The following RASGRP3 variants were observed in gnomAD, a reference collection of about 807,000 sequenced individuals.
The protein encoded by RASGRP3 is ras guanyl-releasing protein 3.
A neutral mutation model predicts 82.7 loss-of-function variants in RASGRP3; 54 were observed. The observed-to-expected ratio is 0.65, with a 90% CI of 0.52 to 0.82. RASGRP3 has a LOEUF of 0.82. RASGRP3 is among the 40% of genes least tolerant of loss of function. The pLI, the probability that RASGRP3 is intolerant of heterozygous loss-of-function variation, is 0.00. For synonymous variants in RASGRP3, 309 were observed against 300.5 expected (o/e 1.03, Z -0.29); for missense variants, 861 against 828.9 (o/e 1.04, Z -0.48).
At chr2:33,489,110 A>C (rs894159424) in intron 1 of RASGRP3, among the ~76,000 whole-genome samples, 4 of 152,228 alleles carry the variant, frequency 2.6e-5, no homozygotes, top group African/African-American at 9.6e-5. Flanking sequence ...TATTACTGGC[A>C]TCTAGTTAGT....
chr2:33,462,150 A>C (rs1666404638), intron 2 of RASGRP3, among the ~76,000 whole-genome samples: 1 of 152,194 alleles, frequency 6.6e-6, no homozygotes, highest in Admixed American at 6.5e-5. Context: ...GTAAAAATTC[A>C]TTCATTTGGA....
At chr2:33,449,389 G>A (rs13432423) in intron 2 of RASGRP3, among the ~76,000 whole-genome samples, 193 of 152,312 alleles carry the variant, frequency 1.3e-3, no homozygotes, top group Non-Finnish European at 2.4e-3. Context: ...TATGTAGATA[G>A]CATAGAATAT....
chr2:33,531,530 T>C (rs1259268223), intron 10 of RASGRP3, among the ~76,000 whole-genome samples: 1 of 152,190 alleles, frequency 6.6e-6, no homozygotes, highest in Non-Finnish European at 1.5e-5. Flanking sequence ...AACCCTGCAT[T>C]TGTGACCTTC....
chr2:33,459,422 C>A (rs1042968343), intron 2 of RASGRP3, among the ~76,000 whole-genome samples: 1 of 152,252 alleles, frequency 6.6e-6, no homozygotes, highest in Non-Finnish European at 1.5e-5. Flanking sequence ...GCGTGAGCCA[C>A]TGCACCCAGC....
At chr2:33,451,286 T>A (rs1475502577) in intron 2 of RASGRP3, among the ~76,000 whole-genome samples, 1 of 152,212 alleles carries the variant, frequency 6.6e-6, no homozygotes, top group Non-Finnish European at 1.5e-5. Flanking sequence ...TGCTTTGAGT[T>A]CCTTACATAT....
upstream of RASGRP3, among the ~76,000 whole-genome samples, chr2:33,473,315 G>C (rs1397382367): frequency 6.6e-6 from 1 of 152,040 alleles, no homozygotes; most frequent in Admixed American, 6.5e-5. Context: ...CCTGGGAGAC[G>C]GAGCTTGCAG....
chr2:33,457,992 A>T (rs1342127867), intron 2 of RASGRP3: 1 of 152,148 alleles, frequency 6.6e-6, no homozygotes, highest in Non-Finnish European at 1.5e-5. Flanking sequence ...CTCTGACGTG[A>T]GTGCTGAGGA....
At chr2:33,443,596 A>T (rs1442345472) in intron 1 of RASGRP3, among the ~76,000 whole-genome samples, 1 of 151,954 alleles carries the variant, frequency 6.6e-6, no homozygotes, top group African/African-American at 2.4e-5. Flanking sequence ...AACACCCTAC[A>T]GCACAGTCCT....
At chr2:33,494,442 C>G (rs1379531968) in intron 1 of RASGRP3, among the ~76,000 whole-genome samples, 1 of 152,166 alleles carries the variant, frequency 6.6e-6, no homozygotes, top group Non-Finnish European at 1.5e-5. Flanking sequence ...ATACAAGTGA[C>G]TCATTCTAAG....
chr2:33,548,323 T>A (rs1163482217), intron 13 of RASGRP3, among the ~76,000 whole-genome samples: 76 of 126,444 alleles, frequency 6.0e-4, no homozygotes, highest in African/African-American at 2.2e-3. Flanking sequence ...ATTGTGCCAC[T>A]GCAATCCGGC....
chr2:33,479,229 C>G (rs1385556547), intron 1 of RASGRP3, among the ~76,000 whole-genome samples: 3 of 152,246 alleles, frequency 2.0e-5, no homozygotes, highest in Non-Finnish European at 4.4e-5. Context: ...AGCCCAAGCT[C>G]TCTCTATAGG....
At chr2:33,447,526 C>G (rs1439520292) in intron 1 of RASGRP3, among the ~76,000 whole-genome samples, 1 of 151,896 alleles carries the variant, frequency 6.6e-6, no homozygotes, top group East Asian at 1.9e-4. Context: ...ACCTTCGCCT[C>G]CTGAATTCAA....
chr2:33,554,233 T>C (rs1052827416), intron 14 of RASGRP3, among the ~76,000 whole-genome samples: 1 of 152,124 alleles, frequency 6.6e-6, no homozygotes, highest in African/African-American at 2.4e-5. Flanking sequence ...TGTGGGGGCA[T>C]TGTTCACTTA....
At chr2:33,461,474 C>T (rs931292428) in intron 2 of RASGRP3, among the ~76,000 whole-genome samples, 1 of 152,178 alleles carries the variant, frequency 6.6e-6, no homozygotes, top group Non-Finnish European at 1.5e-5. Context: ...GGCGGGGTTT[C>T]GCCATGTTGG....
rs1013112217 is a variant in RASGRP3, at chr2:33,559,084, T to C, written c.2064+54T>C. The C allele has an allele frequency of 2.8e-6, 4 of 1,435,428 alleles. No homozygotes were observed. In the African/African-American group the frequency reaches 4.3e-5, roughly 15 times the overall value. 88.9% of individuals were successfully genotyped at this position (1,435,428 alleles called of 1,614,324 possible). On this transcript the variant is annotated intron_variant, in intron 17 of 17. Coordinates refer to ENST00000403687, the MANE Select transcript of RASGRP3 (RefSeq NM_001139488.2). The stretch of plus-strand genomic sequence containing the variant: ...ACCAGAAGAAGGAGGCTGAAAGTGC[T>C]GAGATGAGCGTTACAGAGGGTCTGG...
intron 1 of RASGRP3, among the ~76,000 whole-genome samples, chr2:33,488,206 A>T (rs1393462217): frequency 6.6e-6 from 1 of 152,224 alleles, no homozygotes; most frequent in African/African-American, 2.4e-5. Flanking sequence ...TTGAGTAACT[A>T]TCAAGTATTG....
intron 2 of RASGRP3, among the ~76,000 whole-genome samples, chr2:33,470,602 A>G (rs1667000592): frequency 2.6e-5 from 4 of 151,928 alleles, no homozygotes; most frequent in Admixed American, 1.3e-4. Flanking sequence ...GATAGTCTCG[A>G]TCTCCTGACC....
intron 2 of RASGRP3, among the ~76,000 whole-genome samples, chr2:33,456,369 ACTT>A (rs1264704984): frequency 6.6e-6 from 1 of 151,664 alleles, no homozygotes; most frequent in African/African-American, 2.4e-5. Flanking sequence ...TTCTTTCCTG[ACTT>A]CTTTTGGATA....
intron 1 of RASGRP3, among the ~76,000 whole-genome samples, chr2:33,478,386 G>A (rs182297831): frequency 1.8e-4 from 27 of 152,280 alleles, no homozygotes; most frequent in African/African-American, 6.3e-4. Flanking sequence ...TGCTGGGGGA[G>A]GGGGTTCCTC....
Sources: allele counts gnomAD v4.1 joint callset (sites outside exome capture counted in the v4.1 genomes callset), GRCh38; gene constraint gnomAD v4.1.1; transcripts MANE v1.5; gene names NCBI Gene and HGNC (gene_info 2026-07-23, HGNC 2026-07-21).